PRDM11: variants seen among roughly 807,000 people sequenced by gnomAD.
PRDM11 encodes the protein PR/SET domain 11.
In PRDM11, 20 loss-of-function variants were observed where a neutral mutation model predicts 97.8. That is an observed-to-expected ratio of 0.20 (90% confidence interval 0.14 to 0.30). The LOEUF (loss-of-function observed/expected upper bound fraction) is 0.30, where lower values mean the gene tolerates loss of function less well. Ranked by LOEUF, PRDM11 falls within the 10% of genes least tolerant of loss-of-function variation. The probability of loss-of-function intolerance (pLI) is 1.00; values close to 1 mark genes in which losing one functional copy is unlikely to be tolerated. For missense variants in PRDM11, 1,139 were observed against 1,555.2 expected (o/e 0.73, Z 4.50); for synonymous variants, 599 against 637.7 (o/e 0.94, Z 0.91).
chr11:45,129,337 T>G (rs1852665627), intron 1 of PRDM11, among the ~76,000 whole-genome samples: 1 of 152,130 alleles, frequency 6.6e-6, no homozygotes, highest in Non-Finnish European at 1.5e-5. Flanking sequence ...GTATGAGACT[T>G]AAAACGAAAG....
chr11:45,100,950 A>G (rs1851963401), intron 1 of PRDM11, among the ~76,000 whole-genome samples: 1 of 152,212 alleles, frequency 6.6e-6, no homozygotes, highest in African/African-American at 2.4e-5. Flanking sequence ...TGGAATCTGC[A>G]CCCAGGGATA....
chr11:45,167,226 A>G (rs950780582), intron 1 of PRDM11, among the ~76,000 whole-genome samples: 4 of 152,232 alleles, frequency 2.6e-5, no homozygotes, highest in African/African-American at 9.6e-5. Context: ...TGGAGCTTAC[A>G]TGTATGAGCC....
rs377087656 is a variant in PRDM11 at position 45,182,345 on chromosome 11, C to T, written c.219C>T (p.Phe73=). 6 of 1,613,624 alleles carry T rather than the reference C, an allele frequency of 3.7e-6. No homozygotes were observed. Among genetic ancestry groups the T allele is most frequent in the Non-Finnish European group, 5.1e-6 (6 of 1,179,744 alleles). The part of the protein sequence containing the change: ...IVPKSFQQVD[F]WFCESCQEYF... Reference sequence around the variant, plus strand: ...CCAAAAGCTTCCAGCAAGTGGACTTCTGGTGTAAGTGGAGCTTGGGGCTCT... The same window carrying T: ...CCAAAAGCTTCCAGCAAGTGGACTTTTGGTGTAAGTGGAGCTTGGGGCTCT... Residue 73 remains phenylalanine (F), a synonymous_variant, in exon 3 of 8, where the codon TTC becomes TTT. Transcript: ENST00000683152.
chr11:45,206,186 C>CTGCCCCACCACACCCCA (rs1853503308), intron 5 of PRDM11, among the ~76,000 whole-genome samples: 1 of 152,236 alleles, frequency 6.6e-6, no homozygotes, highest in South Asian at 2.1e-4. Flanking sequence ...TCACCCAGCC[C>CTGCCCCACCACACCCCA]TGCCCCACCA....
intron 1 of PRDM11, among the ~76,000 whole-genome samples, chr11:45,148,072 G>GT (rs1056248141): frequency 6.6e-6 from 1 of 152,140 alleles, no homozygotes; most frequent in African/African-American, 2.4e-5. Flanking sequence ...ATTGTTGGAG[G>GT]TGTAGGGTCG....
intron 1 of PRDM11, among the ~76,000 whole-genome samples, chr11:45,128,944 C>A (rs373776108): frequency 6.6e-6 from 1 of 152,048 alleles, no homozygotes; most frequent in Admixed American, 6.5e-5. Context: ...GCAAATCAAA[C>A]GTAGTGACAT....
intron 1 of PRDM11, among the ~76,000 whole-genome samples, chr11:45,178,140 T>G (rs888799207): frequency 1.3e-5 from 2 of 151,894 alleles, no homozygotes; most frequent in African/African-American, 4.8e-5. Context: ...TCTTCTCTTT[T>G]CTCCCTTCTC....
intron 6 of PRDM11, among the ~76,000 whole-genome samples, chr11:45,223,486 C>G (rs1406151051): frequency 6.6e-6 from 1 of 152,202 alleles, no homozygotes. Flanking sequence ...TATTTCCTGA[C>G]TGCTTTGGGT....
rs879889830 is a variant in PRDM11 at position 45,232,418 on chromosome 11, G to A, written c.*4259G>A. On this transcript the variant is annotated 3_prime_UTR_variant, in exon 8 of 8. Coordinates refer to ENST00000683152, the MANE Select transcript of PRDM11 (RefSeq NM_001384648.1). ...AGGTCTGCTTTTGGCTTTCAGTCTG[G>A]GTTGATTTCCAAGTCGAATTCATGC... The A allele has an allele frequency of 6.6e-6, 1 of 152,290 alleles. No homozygotes were observed. Among genetic ancestry groups the A allele is most frequent in the Admixed American group, 6.5e-5 (1 of 15,292 alleles). The allele number at this position is 152,290 out of a possible 1,614,324, so 9.4% of individuals were successfully genotyped here. A position where few individuals can be genotyped will look rare whatever the true frequency, so the allele number is the denominator to read the frequency against.
At chr11:45,152,738 C>T (rs1305285121) in intron 1 of PRDM11, among the ~76,000 whole-genome samples, 1 of 152,202 alleles carries the variant, frequency 6.6e-6, no homozygotes, top group South Asian at 2.1e-4. Context: ...AACTGAGACT[C>T]AGAGAGGTAG....
At chr11:45,150,091 A>G (rs573662689) in intron 1 of PRDM11, among the ~76,000 whole-genome samples, 1 of 152,286 alleles carries the variant, frequency 6.6e-6, no homozygotes, top group African/African-American at 2.4e-5. Flanking sequence ...CTCTGCAGGG[A>G]CACCATCTTT....
At chr11:45,142,350 G>A (rs1003896514), upstream of PRDM11, among the ~76,000 whole-genome samples, 3 of 151,966 alleles carry the variant, frequency 2.0e-5, no homozygotes, top group African/African-American at 7.3e-5. Flanking sequence ...TCCTGCTCAG[G>A]GCCTTTGCAC....
intron 1 of PRDM11, among the ~76,000 whole-genome samples, chr11:45,153,807 T>TG (rs1827562480): frequency 6.6e-6 from 1 of 152,174 alleles, no homozygotes; most frequent in Non-Finnish European, 1.5e-5. Context: ...CTGTTATCTC[T>TG]GGGGCAGTAA....
Position 45,228,045 on chromosome 11 carries a change from G to A in PRDM11, c.3420G>A (p.Lys1140=). 4 of 1,533,848 alleles carry A rather than the reference G, an allele frequency of 2.6e-6. No homozygotes were observed. Among genetic ancestry groups the A allele is most frequent in the Non-Finnish European group, 3.5e-6 (4 of 1,146,728 alleles). Residue 1140 remains lysine (K), a synonymous_variant, in exon 8 of 8, where the codon AAG becomes AAA. Coordinates refer to ENST00000683152, the MANE Select transcript of PRDM11 (RefSeq NM_001384648.1). Reference sequence around the variant, plus strand: ...CCCTGGACAGCTGGTTTGAGGAGAAGTCTGGGAACAGTTACGCGCTGTCTG... The same window carrying A: ...CCCTGGACAGCTGGTTTGAGGAGAAATCTGGGAACAGTTACGCGCTGTCTG... ...KRALDSWFEE[K]SGNSYALSAE... is the part of the protein sequence containing the mutation.
intron 1 of PRDM11, among the ~76,000 whole-genome samples, chr11:45,132,943 A>G (rs970023523): frequency 3.3e-5 from 5 of 152,186 alleles, no homozygotes; most frequent in Admixed American, 1.3e-4. Flanking sequence ...TGGAAAGAGG[A>G]GCAACACCCT....
At chr11:45,182,415 G>T in intron 3 of PRDM11, 66 bp downstream of exon 3, 1 of 1,435,842 alleles carries the variant, frequency 7.0e-7, no homozygotes, top group South Asian at 1.2e-5. Context: ...CCTGGCTAGG[G>T]AATTCACAAC....
chr11:45,139,901 G>C (rs1742735981), intron 1 of PRDM11, among the ~76,000 whole-genome samples: 1 of 152,164 alleles, frequency 6.6e-6, no homozygotes. Context: ...CAGGGAAAGA[G>C]AGAGAAACAA....
At position 45,218,767 on chromosome 11, in the gene PRDM11, A is replaced by G. The variant is rs146226170; in HGVS notation, c.555-803A>G. The stretch of plus-strand genomic sequence containing the variant: ...GTTTCAGTGAGAATGGGCGAGGGCC[A>G]TAGATTCTGAGGGTTTGACAGAACT... On this transcript the variant is annotated intron_variant, in intron 5 of 7. Transcript: ENST00000683152. 1.5e-3 allele frequency among the ~76,000 whole-genome samples: 221 copies of G among 152,370 alleles called. 1 individual carries two copies. Among genetic ancestry groups the G allele is most frequent in the African/African-American group, 5.2e-3 (218 of 41,582 alleles).
At chr11:45,155,296 T>C (rs1018111407) in intron 1 of PRDM11, among the ~76,000 whole-genome samples, 1 of 152,164 alleles carries the variant, frequency 6.6e-6, no homozygotes, top group Non-Finnish European at 1.5e-5. Flanking sequence ...GATGGCCGGC[T>C]TGGGAGGCTC....
Sources: gnomAD v4.1 joint callset for allele counts (sites outside exome capture counted in the v4.1 genomes callset) on GRCh38, gnomAD v4.1.1 for gene constraint, MANE v1.5 for transcripts, NCBI Gene and HGNC (gene_info 2026-07-23, HGNC 2026-07-21) for gene names.